TTN: variants seen among roughly 807,000 people sequenced by gnomAD.
TTN encodes the protein connectin.
TTN carries 1,525 observed loss-of-function variants against 3,223.0 expected under a neutral mutation model. That is an observed-to-expected ratio of 0.47 (90% CI 0.45 to 0.49). The LOEUF is 0.49. TTN is among the 20% of genes least tolerant of loss of function. TTN has a pLI of 0.00. For missense variants in TTN, 40,786 were observed against 43,424.0 expected (o/e 0.94, Z 5.40); for synonymous variants, 14,094 against 15,161.0 (o/e 0.93, Z 5.17).
Position 178,666,905 on chromosome 2 carries a change from T to C in TTN, c.35798-4A>G. 2.6e-6 allele frequency: 4 copies of C among 1,534,502 alleles called. No homozygotes were observed. Among genetic ancestry groups the C allele is most frequent in the Non-Finnish European group, 3.5e-6 (4 of 1,142,792 alleles). On this transcript the variant is annotated splice_polypyrimidine_tract_variant and splice_region_variant and intron_variant, in intron 162 of 362. Coordinates refer to ENST00000589042, the MANE Select transcript of TTN (RefSeq NM_001267550.2). ...ACTTCCTTGAAGACTTCAAACTCTT[T>C]AAAGATATTAGTATTTTTTTTAATT... is the stretch of plus-strand genomic sequence containing the variant.
Position 178,539,649 on chromosome 2 carries a change from C to CAT in TTN, c.98414_98415dup (p.Asp32806MetfsTer9). ...CTCACAGAGCGGACTTGGATGTCAT[C>CAT]ATATTCCAGTGGCCCTTCTGGACTG... On this transcript the variant is annotated frameshift_variant, in exon 352 of 363. Coordinates refer to ENST00000589042, the MANE Select transcript of TTN (RefSeq NM_001267550.2). LOFTEE classifies it high-confidence loss of function. 1 of 1,613,748 alleles carries CAT rather than the reference C, an allele frequency of 6.2e-7. No individual in the cohort carries two copies. Among genetic ancestry groups the CAT allele is most frequent in the South Asian group, 1.1e-5 (1 of 91,084 alleles).
Position 178,732,149 on chromosome 2 carries a change from C to T in TTN, c.16820G>A (p.Gly5607Asp), listed in dbSNP as rs2080656904. The T allele has an allele frequency of 2.5e-6, 4 of 1,613,784 alleles. No individual in the cohort carries two copies. ...STAVLRLTDV[G>D]IEDSGEYMCE... ...CATATATTCACCACTGTCTTCGATG[C>T]CAACATCTGTCAGTCTTAGAACTGC... Residue 5607 changes from glycine to aspartate, a missense_variant, in exon 57 of 363, where the codon GGC (glycine) becomes GAC (aspartate). Transcript: ENST00000589042.
In TTN at chr2:178,531,129, C is replaced by T. The variant is rs1201789108; in HGVS notation, c.105486G>A (p.Trp35162Ter). 1 of 1,613,940 alleles carries T rather than the reference C, an allele frequency of 6.2e-7. No homozygotes were observed. Among genetic ancestry groups the T allele is most frequent in the Admixed American group, 1.7e-5 (1 of 60,012 alleles). ...TACTTAGCACTTGTCCTTTACGCAG[C>T]CAGGTCACAGTTGGTACCGGCTCAC... ...TDGEPVPTVT[W>*]LRKGQVLSTS... The change falls in exon 358 of 363, where the codon TGG (tryptophan) becomes TGA (stop). Residue 35162 changes from tryptophan to a stop codon, truncating the protein, a stop_gained. Coordinates refer to ENST00000589042, the MANE Select transcript of TTN (RefSeq NM_001267550.2). LOFTEE classifies it high-confidence loss of function.
chr2:178,719,870 C>A, intron 81 of TTN, 38 bp from the exon 82 acceptor site: 1 of 1,571,784 alleles, frequency 6.4e-7, no homozygotes, highest in Non-Finnish European at 8.6e-7. Context: ...AACAAAGTAA[C>A]CTTTCAAACT....
intron 90 of TTN, 93 bp downstream of exon 90, chr2:178,714,893 G>A (rs1226965909): frequency 6.8e-7 from 1 of 1,464,304 alleles, no homozygotes; most frequent in African/African-American, 1.4e-5. Context: ...GGAATAGGCT[G>A]CTAGTGATAA....
chr2:178,749,485 T>G, intron 47 of TTN: 1 of 1,612,902 alleles, frequency 6.2e-7, no homozygotes, highest in Non-Finnish European at 8.5e-7. Flanking sequence ...AATAGTCCCT[T>G]ACTGAATATT....
chr2:178,772,054 G>A (rs2091584768), intron 33 of TTN, among the ~76,000 whole-genome samples: 1 of 152,086 alleles, frequency 6.6e-6, no homozygotes, highest in African/African-American at 2.4e-5. Flanking sequence ...AATTTCTCAA[G>A]AAAAAAATCA....
chr2:178,721,562 T>C (rs1560681215), intron 78 of TTN, among the ~76,000 whole-genome samples: 1 of 152,062 alleles, frequency 6.6e-6, no homozygotes, highest in Non-Finnish European at 1.5e-5. Context: ...CAGAATGCCA[T>C]ATAACAAGAA....
In TTN at chr2:178,775,071, C is replaced by T. The variant is rs2092054706; in HGVS notation, c.6640G>A (p.Val2214Ile). The change falls in exon 29 of 363, where the codon GTT becomes ATT. Residue 2214 changes from valine (V) to isoleucine (I), a missense_variant. Transcript: ENST00000589042. ...KVKWYKDGME[V>I]HEGDKYRMHS... is the part of the protein sequence containing the mutation. The stretch of plus-strand genomic sequence containing the variant: ...ATCCTGTATTTATCTCCCTCATGAA[C>T]CTCCATACCATCTTTATACCATTTC... 1 of 1,614,054 alleles carries T rather than the reference C, an allele frequency of 6.2e-7. No homozygotes were observed. The highest frequency in any genetic ancestry group is 8.5e-7 in the Non-Finnish European group (1 of 1,179,974).
chr2:178,632,237 T>C lies in TTN; in HGVS notation c.43657A>G (p.Ile14553Val). 1 of 1,607,862 alleles carries C rather than the reference T, an allele frequency of 6.2e-7. No individual in the cohort carries two copies. The highest frequency in any genetic ancestry group is 1.1e-5 in the South Asian group (1 of 89,950). ...TCAATAGACAGGTCTTTGAATGTGA[T>C]CGAATGAGTTTTCCCTTCGTCTTGC... ...SMQDEGKTHS[I>V]TFKDLSIDDT... Residue 14553 changes from isoleucine to valine, a missense_variant, in exon 236 of 363, where the codon ATC (isoleucine) becomes GTC (valine). Coordinates refer to ENST00000589042, the MANE Select transcript of TTN (RefSeq NM_001267550.2).
intron 23 of TTN, 42 bp from the exon 24 acceptor site, chr2:178,779,160 A>C: frequency 3.7e-6 from 6 of 1,612,874 alleles, no homozygotes; most frequent in Non-Finnish European, 5.1e-6. Flanking sequence ...ATTTACATCA[A>C]ATAGTTATAT....
At position 178,767,936 on chromosome 2, in the gene TTN, A is replaced by G. The variant is rs758254454; in HGVS notation, c.9306-12T>C. 6.2e-7 allele frequency: 1 copy of G among 1,614,108 alleles called. No homozygotes were observed. The highest frequency in any genetic ancestry group is 2.2e-5 in the East Asian group (1 of 44,844). On this transcript the variant is annotated splice_polypyrimidine_tract_variant and intron_variant, in intron 39 of 362. Transcript: ENST00000589042. ...TCTGAATCTTTATTCTATGGATGAAATGGAAATTCGAGTTTACCGTATGGT... is the reference window on the plus strand; with the variant it reads ...TCTGAATCTTTATTCTATGGATGAAGTGGAAATTCGAGTTTACCGTATGGT...
Position 178,572,570 on chromosome 2 carries a change from C to T in TTN, c.73562G>A (p.Gly24521Asp). ...TTTTACCTTCAGATCCTGTGGGGGGCCTGGTGTATCGAGAACTCTAACATT... is the reference window on the plus strand; with the variant it reads ...TTTTACCTTCAGATCCTGTGGGGGGTCTGGTGTATCGAGAACTCTAACATT... ...FVNVRVLDTP[G>D]PPQDLKVKEV... Residue 24521 changes from glycine to aspartate, a missense_variant, in exon 326 of 363, where the codon GGC (glycine) becomes GAC (aspartate). Gly to Asp is a moderately conservative substitution (Grantham distance 94, BLOSUM62 -1). Coordinates refer to ENST00000589042, the MANE Select transcript of TTN (RefSeq NM_001267550.2). 6.2e-7 allele frequency: 1 copy of T among 1,613,400 alleles called. No individual in the cohort carries two copies. Among genetic ancestry groups the T allele is most frequent in the Non-Finnish European group, 8.5e-7 (1 of 1,179,594 alleles).
Position 178,561,750 on chromosome 2 carries a change from G to C in TTN, c.84382C>G (p.Arg28128Gly), listed in dbSNP as rs1375604948. 6.2e-7 allele frequency: 1 copy of C among 1,613,424 alleles called. No homozygotes were observed. Among genetic ancestry groups the C allele is most frequent in the South Asian group, 1.1e-5 (1 of 91,060 alleles). The change falls in exon 326 of 363, where the codon CGT becomes GGT. Residue 28128 changes from arginine to glycine, a missense_variant. By Grantham distance (125) the Arg-to-Gly change is moderately radical. Coordinates refer to ENST00000589042, the MANE Select transcript of TTN (RefSeq NM_001267550.2). ...CCATAGCGGTTTTCTGCACAAACAC[G>C]GAACTGATACTCACTTCCTGTTGTC... Reference protein sequence around the residue: ...RLTTGSEYQFRVCAENRYGKS... With the variant: ...RLTTGSEYQFGVCAENRYGKS...
chr2:178,557,069 T>C lies in TTN; in HGVS notation c.88085A>G (p.Asp29362Gly), dbSNP rs1414215784. Residue 29362 changes from aspartate to glycine, a missense_variant, in exon 330 of 363, where the codon GAT becomes GGT. Transcript: ENST00000589042. ...GTAGCCTGTAATCTTGCTACCTCCA[T>C]CGAAAGCTGGTTGTTGCCATGAAAG... ...VSLSWQQPAF[D>G]GGSKITGYIV... is the part of the protein sequence containing the mutation. 14 of 1,613,570 alleles carry C rather than the reference T, an allele frequency of 8.7e-6. No homozygotes were observed. The highest frequency in any genetic ancestry group is 1.1e-5 in the Non-Finnish European group (13 of 1,179,814).
At chr2:178,599,916 C>T (rs2052840099) in intron 288 of TTN, 66 bp from the exon 289 acceptor site, 31 of 1,443,548 alleles carry the variant, frequency 2.1e-5, no homozygotes, top group Non-Finnish European at 2.7e-5. Flanking sequence ...GTAGAATTCA[C>T]AGTTACTATA....
Position 178,756,620 on chromosome 2 carries a change from C to CT in TTN, c.10855dup (p.Ser3619LysfsTer28). On this transcript the variant is annotated frameshift_variant, in exon 46 of 363. Coordinates refer to ENST00000589042, the MANE Select transcript of TTN (RefSeq NM_001267550.2). LOFTEE classifies it high-confidence loss of function. ...AACAGATGCAGCTGTGTGGATGGAA[C>CT]TTTGAGATACACTTTCAAAAACCTG... The CT allele has an allele frequency of 1.9e-6, 3 of 1,613,664 alleles. No homozygotes were observed. Among genetic ancestry groups the CT allele is most frequent in the Non-Finnish European group, 2.5e-6 (3 of 1,179,706 alleles).
chr2:178,800,718 C>T, intron 3 of TTN, 36 bp from the exon 4 acceptor site: 3 of 1,577,174 alleles, frequency 1.9e-6, no homozygotes, highest in Non-Finnish European at 2.6e-6. Context: ...AGAGTGAGAG[C>T]CAGGGTGCTC....
chr2:178,784,310 C>A lies in TTN; in HGVS notation c.2535G>T (p.Glu845Asp), dbSNP rs768608500. The change falls in exon 16 of 363, where the codon GAG becomes GAT. Residue 845 changes from glutamate (E) to aspartate (D), a missense_variant. By Grantham distance (45) the Glu-to-Asp change is conservative. Transcript: ENST00000589042. ...TCTGAGCAGAAGATGTGGCTGACAACTCTTTTTGTAATGTGGCAATAGCAC... is the reference window on the plus strand; with the variant it reads ...TCTGAGCAGAAGATGTGGCTGACAAATCTTTTTGTAATGTGGCAATAGCAC... Reference protein sequence around the residue: ...AGSAIATLQKELSATSSAQKI... With the variant: ...AGSAIATLQKDLSATSSAQKI... The A allele has an allele frequency of 1.1e-5, 18 of 1,613,986 alleles. No individual in the cohort carries two copies. The Admixed American group carries it at 2.3e-4, about 21-fold the overall frequency.
Sources: allele counts gnomAD v4.1 joint callset (sites outside exome capture counted in the v4.1 genomes callset), GRCh38; gene constraint gnomAD v4.1.1; transcripts MANE v1.5; gene names NCBI Gene and HGNC (gene_info 2026-07-23, HGNC 2026-07-21).